Variants in FHIT observed in about 807,000 individuals in gnomAD.
FHIT encodes bis(5'-adenosyl)-triphosphatase.
In FHIT, 19 loss-of-function variants were observed where a neutral mutation model predicts 17.9. That is an observed-to-expected ratio of 1.06 (90% CI 0.74 to 1.56). The LOEUF (loss-of-function observed/expected upper bound fraction) is 1.56, where lower values mean the gene tolerates loss of function less well. Among genes scored for constraint, FHIT ranks in the 40% most tolerant of loss-of-function variants. The probability of loss-of-function intolerance (pLI) is 0.00; values close to 1 mark genes in which losing one functional copy is unlikely to be tolerated. For synonymous variants in FHIT, 81 were observed against 69.7 expected (o/e 1.16, Z -0.81); for missense variants, 248 against 189.2 (o/e 1.31, Z -1.82).
chr3:60,119,909 GC>G (rs751057223), intron 5 of FHIT, among the ~76,000 whole-genome samples: 40 of 152,190 alleles, frequency 2.6e-4, no homozygotes, highest in Admixed American at 4.6e-4. Context: ...TCAGAATCAA[GC>G]CCAAATACCA....
chr3:60,435,383 G>A (rs1296808028), intron 5 of FHIT, among the ~76,000 whole-genome samples: 2 of 152,076 alleles, frequency 1.3e-5, no homozygotes. Context: ...CTCTCCTGAT[G>A]TGATTGAGGA....
At chr3:60,805,807 C>G (rs1422559005) in intron 4 of FHIT, among the ~76,000 whole-genome samples, 1 of 152,136 alleles carries the variant, frequency 6.6e-6, no homozygotes, top group African/African-American at 2.4e-5. Flanking sequence ...GATCTGCCCA[C>G]CTCGGCCTCC....
intron 5 of FHIT, among the ~76,000 whole-genome samples, chr3:60,237,353 C>CCA (rs960773578): frequency 1.4e-5 from 2 of 148,070 alleles, no homozygotes; most frequent in African/African-American, 5.0e-5. Flanking sequence ...TTTACACCTA[C>CCA]CATGGTGTGT....
chr3:60,140,913 C>T (rs576401672), intron 5 of FHIT, among the ~76,000 whole-genome samples: 7 of 152,138 alleles, frequency 4.6e-5, no homozygotes, highest in Non-Finnish European at 2.9e-5. Context: ...ACTGAGTACT[C>T]GGATCTAGGG....
chr3:59,856,323 T>TA (rs1301578410), intron 8 of FHIT, among the ~76,000 whole-genome samples: 1 of 152,212 alleles, frequency 6.6e-6, no homozygotes, highest in Non-Finnish European at 1.5e-5. Flanking sequence ...TTGTTAAAAT[T>TA]TTTTTTGCAA....
chr3:60,661,891 G>T (rs1370445320), intron 4 of FHIT, among the ~76,000 whole-genome samples: 1 of 152,000 alleles, frequency 6.6e-6, no homozygotes, highest in African/African-American at 2.4e-5. Flanking sequence ...CCCAGTTTTT[G>T]ATGGGATTGT....
intron 5 of FHIT, among the ~76,000 whole-genome samples, chr3:60,337,704 GGA>G (rs1419851522): frequency 6.6e-5 from 10 of 152,104 alleles, no homozygotes; most frequent in Non-Finnish European, 1.5e-4. Context: ...TATGATCCTG[GGA>G]GAGAGTACTG....
chr3:60,179,408 G>C (rs1460749301), intron 5 of FHIT, among the ~76,000 whole-genome samples: 2 of 152,168 alleles, frequency 1.3e-5, no homozygotes, highest in African/African-American at 4.8e-5. Flanking sequence ...TGTCCTGTGT[G>C]ACATCACAAT....
chr3:60,342,745 G>T (rs1213157500), intron 5 of FHIT, among the ~76,000 whole-genome samples: 1 of 152,174 alleles, frequency 6.6e-6, no homozygotes, highest in Non-Finnish European at 1.5e-5. Flanking sequence ...GAAAAATATT[G>T]TCTGGAGATA....
intron 5 of FHIT, among the ~76,000 whole-genome samples, chr3:60,100,894 T>A (rs576412337): frequency 6.6e-6 from 1 of 152,312 alleles, no homozygotes; most frequent in Admixed American, 6.5e-5. Flanking sequence ...AAGAACCACT[T>A]GACCTTTGGA....
chr3:59,830,915 G>A (rs1402077862), intron 8 of FHIT, among the ~76,000 whole-genome samples: 1 of 152,204 alleles, frequency 6.6e-6, no homozygotes, highest in Non-Finnish European at 1.5e-5. Context: ...CAGTATGACT[G>A]CTTTTGTCTG....
chr3:60,402,696 GTA>G (rs1701709901), intron 5 of FHIT, among the ~76,000 whole-genome samples: 2 of 152,110 alleles, frequency 1.3e-5, no homozygotes, highest in Admixed American at 1.3e-4. Context: ...CTGTAATAAA[GTA>G]GCACTAGCAC....
chr3:60,013,587 G>C (rs140114294), intron 6 of FHIT, among the ~76,000 whole-genome samples: 3 of 152,222 alleles, frequency 2.0e-5, no homozygotes, highest in African/African-American at 4.8e-5. Flanking sequence ...TCTGCATCTT[G>C]AATTAAAGAC....
At chr3:60,465,828 C>T (rs1316073782) in intron 5 of FHIT, among the ~76,000 whole-genome samples, 1 of 151,870 alleles carries the variant, frequency 6.6e-6, no homozygotes, top group East Asian at 1.9e-4. Context: ...TAATGTGATT[C>T]CTCCAGTACT....
At chr3:60,590,375 C>T (rs2178809) in intron 4 of FHIT, among the ~76,000 whole-genome samples, 16,040 of 151,970 alleles carry the variant, frequency 0.11, 2,814 homozygotes, top group African/African-American at 0.36. Context: ...CCTCCTTGCC[C>T]ACCACTTTTA....
intron 3 of FHIT, among the ~76,000 whole-genome samples, chr3:61,010,106 G>A (rs962595039): frequency 6.6e-6 from 1 of 151,952 alleles, no homozygotes; most frequent in Non-Finnish European, 1.5e-5. Context: ...CACATCACCT[G>A]AAGCATGGTA....
At chr3:60,121,715 C>CAAAACAAAA (rs763248825) in intron 5 of FHIT, among the ~76,000 whole-genome samples, 10,688 of 103,802 alleles carry the variant, frequency 0.1, 553 homozygotes, top group East Asian at 0.26. Context: ...AACAAACACA[C>CAAAACAAAA]ACACACACAC....
intron 4 of FHIT, among the ~76,000 whole-genome samples, chr3:60,793,647 C>T (rs1700868507): frequency 6.6e-6 from 1 of 152,070 alleles, no homozygotes; most frequent in South Asian, 2.1e-4. Flanking sequence ...AGAAAAACTG[C>T]TTACAGCGTG....
At chr3:60,635,745 T>G (rs1343916705) in intron 4 of FHIT, among the ~76,000 whole-genome samples, 1 of 152,098 alleles carries the variant, frequency 6.6e-6, no homozygotes, top group Non-Finnish European at 1.5e-5. Context: ...GAGCCCATAC[T>G]CATGACCTTT....
Sources: gnomAD v4.1 joint callset for allele counts (sites outside exome capture counted in the v4.1 genomes callset) on GRCh38, gnomAD v4.1.1 for gene constraint, MANE v1.5 for transcripts, NCBI Gene and HGNC (gene_info 2026-07-23, HGNC 2026-07-21) for gene names.